HMGCLL1: variants seen among roughly 807,000 people sequenced by gnomAD.
HMGCLL1 encodes 3-hydroxy-3-methylglutaryl-CoA lyase like 1, also known as 3-hydroxymethyl-3-methylglutaryl-CoA lyase, cytoplasmic.
Under a neutral mutation model 39.1 loss-of-function variants are expected in HMGCLL1, and 36 were observed. The ratio of observed to expected loss-of-function variants is 0.92; its 90% CI spans 0.71 to 1.22. HMGCLL1 has a LOEUF of 1.22. Ranked by LOEUF, HMGCLL1 falls within the 50% of genes most tolerant of loss-of-function variation. The pLI is 0.00. For synonymous variants in HMGCLL1, 149 were observed against 144.0 expected (o/e 1.03, Z -0.25); for missense variants, 451 against 416.5 (o/e 1.08, Z -0.72).
At chr6:55,553,566 C>A (rs72986079) in intron 1 of HMGCLL1, among the ~76,000 whole-genome samples, 1 of 152,032 alleles carries the variant, frequency 6.6e-6, no homozygotes, top group Non-Finnish European at 1.5e-5. Flanking sequence ...TCCTCATTCT[C>A]CTCTGTTAAA....
intron 1 of HMGCLL1, among the ~76,000 whole-genome samples, chr6:55,564,972 G>T (rs1283138200): frequency 6.6e-6 from 1 of 151,962 alleles, no homozygotes; most frequent in Non-Finnish European, 1.5e-5. Context: ...AATGATAGAA[G>T]TTGAGCTACT....
At chr6:55,578,825 C>G (rs902750722) in intron 1 of HMGCLL1, 123 bp downstream of exon 1, 5 of 703,260 alleles carry the variant, frequency 7.1e-6, no homozygotes, top group Non-Finnish European at 1.3e-5. Context: ...AGAACTGCTG[C>G]GGGAAGGGTC....
At chr6:55,655,347 C>T in the HMGCLL1 span, among the ~76,000 whole-genome samples, 1 of 151,850 alleles carries the variant, frequency 6.6e-6, no homozygotes, top group African/African-American at 2.4e-5. Flanking sequence ...CATCCCCCTC[C>T]TGTTACAATT....
chr6:55,627,244 A>T, the HMGCLL1 span, among the ~76,000 whole-genome samples: 1 of 151,830 alleles, frequency 6.6e-6, no homozygotes, highest in Non-Finnish European at 1.5e-5. Flanking sequence ...GCATGTATAC[A>T]CTTGTATTAA....
At chr6:55,519,793 C>A (rs181945835) in intron 3 of HMGCLL1, among the ~76,000 whole-genome samples, 123 of 152,018 alleles carry the variant, frequency 8.1e-4, no homozygotes, top group African/African-American at 2.8e-3. Flanking sequence ...TAACCAAATA[C>A]AGATTTGGAT....
At chr6:55,482,057 T>C (rs1255891382) in intron 7 of HMGCLL1, among the ~76,000 whole-genome samples, 1 of 152,116 alleles carries the variant, frequency 6.6e-6, no homozygotes, top group Non-Finnish European at 1.5e-5. Context: ...AGTAGTCACA[T>C]CTTCCCACTT....
chr6:55,627,917 AT>A, the HMGCLL1 span, among the ~76,000 whole-genome samples: 14 of 3,776 alleles, frequency 3.7e-3, 2 homozygotes, highest in African/African-American at 9.2e-3. Flanking sequence ...TACTATATAT[AT>A]ATAATATATA....
chr6:55,528,532 C>T (rs1768451619), intron 3 of HMGCLL1, among the ~76,000 whole-genome samples: 1 of 151,984 alleles, frequency 6.6e-6, no homozygotes, highest in African/African-American at 2.4e-5. Context: ...ATATCTTAGC[C>T]TCAGTAGCAC....
the HMGCLL1 span, among the ~76,000 whole-genome samples, chr6:55,623,254 C>G: frequency 6.6e-6 from 1 of 151,678 alleles, no homozygotes; most frequent in African/African-American, 2.4e-5. Flanking sequence ...TTTATTTCTG[C>G]TCTGATCATT....
intron 3 of HMGCLL1, among the ~76,000 whole-genome samples, chr6:55,530,995 T>C (rs562127503): frequency 6.6e-6 from 1 of 152,330 alleles, no homozygotes; most frequent in African/African-American, 2.4e-5. Flanking sequence ...AAGGATAATG[T>C]ATTCTTGAAA....
At chr6:55,519,817 A>G (rs1260512441) in intron 3 of HMGCLL1, among the ~76,000 whole-genome samples, 1 of 152,154 alleles carries the variant, frequency 6.6e-6, no homozygotes, top group East Asian at 1.9e-4. Context: ...GATTGGCAGT[A>G]TATCATAAAA....
At chr6:55,674,017 G>A in the HMGCLL1 span, among the ~76,000 whole-genome samples, 6 of 151,960 alleles carry the variant, frequency 3.9e-5, no homozygotes, top group Non-Finnish European at 5.9e-5. Context: ...ATCAATGAAT[G>A]CAAATGGAAT....
the HMGCLL1 span, among the ~76,000 whole-genome samples, chr6:55,630,816 C>T: frequency 3.3e-5 from 5 of 152,092 alleles, no homozygotes; most frequent in Non-Finnish European, 5.9e-5. Context: ...TTGCCTTCTG[C>T]TATGATTGTG....
At chr6:55,497,419 T>C (rs1766638248) in intron 6 of HMGCLL1, among the ~76,000 whole-genome samples, 1 of 152,152 alleles carries the variant, frequency 6.6e-6, no homozygotes, top group Non-Finnish European at 1.5e-5. Flanking sequence ...ATCTGGCACA[T>C]GATACTGATT....
the HMGCLL1 span, among the ~76,000 whole-genome samples, chr6:55,675,172 G>A: frequency 3.9e-5 from 6 of 152,058 alleles, no homozygotes; most frequent in Admixed American, 3.9e-4. Flanking sequence ...TGCAATCACT[G>A]GAAGTTGCAC....
At chr6:55,589,436 A>G in the HMGCLL1 span, among the ~76,000 whole-genome samples, 5 of 152,206 alleles carry the variant, frequency 3.3e-5, no homozygotes, top group African/African-American at 1.2e-4. Context: ...ACAAACCCAC[A>G]GCCAGTATCA....
Position 55,514,068 on chromosome 6 carries a change from G to A in HMGCLL1, c.522C>T (p.His174=), listed in dbSNP as rs1326442322. 6.2e-7 allele frequency: 1 copy of A among 1,612,000 alleles called. No individual in the cohort carries two copies. The highest frequency in any genetic ancestry group is 1.7e-5 in the Admixed American group (1 of 59,708). ...AGTACCCTCGTGCTGGAATATTCAT[G>A]TGTCTTGCAGACTTAACAACCTCCT... ...KFEEVVKSAR[H]MNIPARGYVS... Residue 174 remains histidine (H), a synonymous_variant, in exon 5 of 9, where the codon CAC becomes CAT. Transcript: ENST00000274901.
chr6:55,478,241 T>C (rs1221393057), intron 7 of HMGCLL1, among the ~76,000 whole-genome samples: 1 of 151,322 alleles, frequency 6.6e-6, no homozygotes, highest in East Asian at 1.9e-4. Context: ...TCATTCCCTC[T>C]ACCTTCTCAC....
At chr6:55,647,929 C>A in the HMGCLL1 span, among the ~76,000 whole-genome samples, 7 of 99,924 alleles carry the variant, frequency 7.0e-5, no homozygotes, top group Non-Finnish European at 1.4e-4. Flanking sequence ...CTCCCCCGAC[C>A]CCACCACAGT....
Sources: gnomAD v4.1 joint callset for allele counts (sites outside exome capture counted in the v4.1 genomes callset) on GRCh38, gnomAD v4.1.1 for gene constraint, MANE v1.5 for transcripts, NCBI Gene and HGNC (gene_info 2026-07-23, HGNC 2026-07-21) for gene names.